Variants in CAPZB observed in about 807,000 individuals in gnomAD.
The protein encoded by CAPZB is capping actin protein of muscle Z-line subunit beta, also known as F-actin-capping protein subunit beta.
In CAPZB, 2 loss-of-function variants were observed where a neutral mutation model predicts 38.1. That is an observed-to-expected ratio of 0.05 (90% CI 0.02 to 0.17). The LOEUF (loss-of-function observed/expected upper bound fraction) is 0.17, where lower values mean the gene tolerates loss of function less well. CAPZB is among the 10% of genes least tolerant of loss of function. CAPZB has a pLI of 1.00. For missense variants in CAPZB, 161 were observed against 334.2 expected (o/e 0.48, Z 4.04); for synonymous variants, 107 against 127.4 (o/e 0.84, Z 1.08).
chr1:19,469,030 G>A (rs185893041), intron 1 of CAPZB, among the ~76,000 whole-genome samples: 48 of 152,320 alleles, frequency 3.2e-4, no homozygotes, highest in African/African-American at 9.4e-4. Context: ...ATATAGCGAC[G>A]GCAAGTACCT....
intron 2 of CAPZB, 171 bp from the exon 3 acceptor site, chr1:19,385,797 C>G: frequency 1.3e-6 from 1 of 792,200 alleles, no homozygotes; most frequent in Admixed American, 1.7e-5. Context: ...CTGACACCAA[C>G]TGTGTCCCTC....
At chr1:19,391,002 G>A (rs1013863661) in intron 2 of CAPZB, among the ~76,000 whole-genome samples, 1 of 152,188 alleles carries the variant, frequency 6.6e-6, no homozygotes, top group East Asian at 1.9e-4. Context: ...GCCAATGTCT[G>A]AGGAAGGACA....
At chr1:19,341,291 T>C (rs2093927104) in intron 8 of CAPZB, among the ~76,000 whole-genome samples, 1 of 152,152 alleles carries the variant, frequency 6.6e-6, no homozygotes. Flanking sequence ...CCCCAGGGGC[T>C]TCTTGCCAAG....
intron 4 of CAPZB, among the ~76,000 whole-genome samples, chr1:19,377,192 G>A (rs2094148831): frequency 6.6e-6 from 1 of 152,198 alleles, no homozygotes; most frequent in Non-Finnish European, 1.5e-5. Flanking sequence ...AACTACCATA[G>A]AGCAATGAGT....
intron 4 of CAPZB, 59 bp downstream of exon 4, chr1:19,378,481 T>C (rs1450789199): frequency 1.0e-6 from 1 of 964,040 alleles, no homozygotes; most frequent in African/African-American, 1.6e-5. Context: ...ACACTGCCAC[T>C]TAGGATTTAC....
At chr1:19,433,700 A>C (rs72947506) in intron 1 of CAPZB, among the ~76,000 whole-genome samples, 12,578 of 152,280 alleles carry the variant, frequency 0.083, 1,698 homozygotes, top group African/African-American at 0.28. Flanking sequence ...ACTTATGTCC[A>C]AAAGGAAGCT....
chr1:19,349,678 C>T (rs562046741), intron 6 of CAPZB, among the ~76,000 whole-genome samples: 10 of 152,246 alleles, frequency 6.6e-5, no homozygotes, highest in East Asian at 3.9e-4. Flanking sequence ...TTGCAGTGTG[C>T]GACACTGTCC....
At chr1:19,364,297 G>A (rs971779221) in intron 4 of CAPZB, among the ~76,000 whole-genome samples, 2 of 152,172 alleles carry the variant, frequency 1.3e-5, no homozygotes, top group Non-Finnish European at 2.9e-5. Context: ...GTTGCATCAG[G>A]GCCTGTATGA....
chr1:19,389,915 A>G (rs150430206), intron 2 of CAPZB, among the ~76,000 whole-genome samples: 24 of 152,292 alleles, frequency 1.6e-4, no homozygotes, highest in South Asian at 1.0e-3. Context: ...TAATACTGCC[A>G]ATGACTTTCA....
Position 19,353,567 on chromosome 1 carries a change from C to G in CAPZB, c.588+3068G>C, listed in dbSNP as rs10917417. ...CTGCAGGGCTGTCCCCTCTGACCCT[C>G]CCAGGGCTGCCTGATCCAGGCCCTT... On this transcript the variant is annotated intron_variant, in intron 6 of 8. Transcript: ENST00000264202. Among the ~76,000 whole-genome samples the G allele has an allele frequency of 6.4e-3, 976 of 152,294 alleles. 14 individuals carry two copies. Among genetic ancestry groups the G allele is most frequent in the African/African-American group, 0.023 (936 of 41,544 alleles).
At chr1:19,471,669 C>T (rs1240401483) in intron 1 of CAPZB, among the ~76,000 whole-genome samples, 4 of 152,076 alleles carry the variant, frequency 2.6e-5, no homozygotes, top group East Asian at 1.9e-4. Flanking sequence ...TCAAGACCAT[C>T]CTGGCTAACA....
intron 1 of CAPZB, among the ~76,000 whole-genome samples, chr1:19,424,068 T>G (rs2094412572): frequency 6.6e-6 from 1 of 152,158 alleles, no homozygotes; most frequent in South Asian, 2.1e-4. Context: ...TGCCTCAGCC[T>G]CCCAAAGTGC....
intron 1 of CAPZB, among the ~76,000 whole-genome samples, chr1:19,467,654 A>G (rs554355612): frequency 4.7e-4 from 72 of 152,112 alleles, no homozygotes; most frequent in African/African-American, 1.6e-3. Context: ...TATTTAATCC[A>G]TTTTCTTGCC....
At chr1:19,444,318 C>G (rs2094489292) in intron 1 of CAPZB, among the ~76,000 whole-genome samples, 1 of 152,192 alleles carries the variant, frequency 6.6e-6, no homozygotes, top group Non-Finnish European at 1.5e-5. Flanking sequence ...CAACACCCCC[C>G]AGCCCTGAGG....
intron 3 of CAPZB, among the ~76,000 whole-genome samples, chr1:19,384,863 GT>G (rs2094195261): frequency 6.6e-6 from 1 of 152,178 alleles, no homozygotes; most frequent in African/African-American, 2.4e-5. Flanking sequence ...TCCTCCTGGA[GT>G]TGACCATGGC....
chr1:19,476,050 T>A (rs76761163), intron 1 of CAPZB, among the ~76,000 whole-genome samples: 2 of 152,076 alleles, frequency 1.3e-5, no homozygotes, highest in Non-Finnish European at 2.9e-5. Context: ...TGGCCAGGCA[T>A]GGTGGCTTCA....
Position 19,345,384 on chromosome 1 carries a change from G to A in CAPZB, c.589-132C>T, listed in dbSNP as rs796531765. ...GTGGAGCCAGCTGCAGGTATGACAA[G>A]GCCAGTTTTGCAGCCTGGGAACTGA... On this transcript the variant is annotated intron_variant, in intron 6 of 8. Coordinates refer to ENST00000264202, the MANE Select transcript of CAPZB (RefSeq NM_004930.5). 3.8e-5 allele frequency: 28 copies of A among 728,044 alleles called. No homozygotes were observed. In the African/African-American group the frequency reaches 4.5e-4, roughly 12 times the overall value. The allele number at this position is 728,044 out of a possible 1,614,324, so 45.1% of individuals were successfully genotyped here. A position where few individuals can be genotyped will look rare whatever the true frequency, so the allele number is the denominator to read the frequency against.
chr1:19,404,370 C>T (rs1440138631), intron 2 of CAPZB, among the ~76,000 whole-genome samples: 2 of 151,350 alleles, frequency 1.3e-5, no homozygotes, highest in Non-Finnish European at 2.9e-5. Context: ...TTGGTAAAAC[C>T]GCATCTCTAC....
rs985466077 is a variant in CAPZB, at chr1:19,409,977, G to C, written c.93+9684C>G. ...AATATGACTACATGCTGTTGCAATA[G>C]AGTTTTAGTGTGTTTTCCTTCAAAA... On this transcript the variant is annotated intron_variant, in intron 2 of 8. Coordinates refer to ENST00000264202, the MANE Select transcript of CAPZB (RefSeq NM_004930.5). Among the ~76,000 whole-genome samples, 6 of 152,224 alleles carry C rather than the reference G, an allele frequency of 3.9e-5. No individual in the cohort carries two copies. The East Asian group carries it at 7.7e-4, about 20-fold the overall frequency.
Sources: allele counts gnomAD v4.1 joint callset (sites outside exome capture counted in the v4.1 genomes callset), GRCh38; gene constraint gnomAD v4.1.1; transcripts MANE v1.5; gene names NCBI Gene and HGNC (gene_info 2026-07-23, HGNC 2026-07-21).